RIMS1: variants seen among roughly 807,000 people sequenced by gnomAD.
RIMS1 encodes regulating synaptic membrane exocytosis protein 1.
A neutral mutation model predicts 214.1 loss-of-function variants in RIMS1; 83 were observed. The observed-to-expected ratio is 0.39, with a 90% CI of 0.32 to 0.47. The LOEUF (loss-of-function observed/expected upper bound fraction) is 0.47. RIMS1 is among the 20% of genes least tolerant of loss of function. The pLI is 0.99. For synonymous variants in RIMS1, 793 were observed against 786.8 expected, an observed-to-expected ratio of 1.01 and a Z score of -0.13; for missense variants, 2,050 against 2,161.8, an observed-to-expected ratio of 0.95 and a Z score of 1.03.
rs75891924 is a variant in RIMS1, at chr6:72,281,873, A to G, written c.3483-2174A>G. Among the ~76,000 whole-genome samples the G allele has an allele frequency of 6.7e-3, 1,023 of 152,182 alleles. 7 individuals are homozygous for G. Among genetic ancestry groups the G allele is most frequent in the African/African-American group, 0.022 (909 of 41,524 alleles). ...CATGTATCACCTTTTCCCATACTAC[A>G]TAATGTACTTGTTTGAGCTACTTTT... is the stretch of plus-strand genomic sequence containing the variant. On this transcript the variant is annotated intron_variant, in intron 23 of 33. Transcript: ENST00000521978.
At chr6:72,153,046 A>G (rs977646606) in intron 4 of RIMS1, among the ~76,000 whole-genome samples, 2 of 136,370 alleles carry the variant, frequency 1.5e-5, no homozygotes, top group Admixed American at 7.5e-5. Context: ...GTGTGTGTGT[A>G]TATATATGTA....
Position 72,240,969 on chromosome 6 carries a change from T to C in RIMS1, c.1958-1345T>C, listed in dbSNP as rs186107488. 5.7e-3 allele frequency among the ~76,000 whole-genome samples: 869 copies of C among 152,266 alleles called. 11 individuals are homozygous for C. The highest frequency in any genetic ancestry group is 0.02 in the African/African-American group (821 of 41,556). On this transcript the variant is annotated intron_variant, in intron 9 of 33. Coordinates refer to ENST00000521978, the MANE Select transcript of RIMS1 (RefSeq NM_014989.7). ...AGGCGGAGGTTGCAGTGAGCCGAGA[T>C]TGCGCCACTGCACTCTAGCCTGGGC...
intron 4 of RIMS1, among the ~76,000 whole-genome samples, chr6:72,130,195 ACT>A (rs1284876961): frequency 2.6e-5 from 4 of 152,018 alleles, no homozygotes; most frequent in Non-Finnish European, 5.9e-5. Context: ...GTGAGCCCAA[ACT>A]CTCTGACTAG....
chr6:72,302,009 A>G lies in RIMS1; in HGVS notation c.3851-5249A>G, dbSNP rs568392414. On this transcript the variant is annotated intron_variant, in intron 26 of 33. Transcript: ENST00000521978. ...AGATTCCTATTTTTGCAAATATAAGAAAAGTATTTTAACAATACCCTATTG... is the reference window on the plus strand; with the variant it reads ...AGATTCCTATTTTTGCAAATATAAGGAAAGTATTTTAACAATACCCTATTG... 7.2e-5 allele frequency among the ~76,000 whole-genome samples: 11 copies of G among 151,768 alleles called. No individual in the cohort carries two copies. The East Asian group carries it at 2.1e-3, about 29-fold the overall frequency.
intron 29 of RIMS1, among the ~76,000 whole-genome samples, chr6:72,365,544 T>C (rs2009449723): frequency 6.6e-6 from 1 of 152,214 alleles, no homozygotes. Flanking sequence ...ACCACTTATA[T>C]GTCTATTGAC....
intron 1 of RIMS1, among the ~76,000 whole-genome samples, chr6:71,914,085 G>C (rs1033107756): frequency 2.0e-5 from 3 of 152,072 alleles, no homozygotes; most frequent in African/African-American, 7.2e-5. Flanking sequence ...TATGACTTCT[G>C]CTTTTCCTGT....
At chr6:72,079,860 G>T (rs113135565) in intron 2 of RIMS1, among the ~76,000 whole-genome samples, 1 of 151,618 alleles carries the variant, frequency 6.6e-6, no homozygotes, top group Non-Finnish European at 1.5e-5. Flanking sequence ...CTCCAGCCTG[G>T]GTGACAGACA....
intron 4 of RIMS1, among the ~76,000 whole-genome samples, chr6:72,158,691 A>G (rs1250155149): frequency 7.3e-6 from 1 of 137,838 alleles, no homozygotes; most frequent in Admixed American, 7.6e-5. Flanking sequence ...TAGTTTTCTG[A>G]GAATGATGGT....
At chr6:72,386,858 C>T (rs967370713) in intron 29 of RIMS1, among the ~76,000 whole-genome samples, 6 of 151,544 alleles carry the variant, frequency 4.0e-5, no homozygotes, top group African/African-American at 1.5e-4. Flanking sequence ...CTGAGCCTCC[C>T]GAGTAGCTGG....
At chr6:72,308,440 T>C (rs1337400829) in intron 27 of RIMS1, among the ~76,000 whole-genome samples, 1 of 152,102 alleles carries the variant, frequency 6.6e-6, no homozygotes, top group Admixed American at 6.6e-5. Flanking sequence ...TGGGAGGTAA[T>C]AAGCTATTAG....
At position 72,248,057 on chromosome 6, in the gene RIMS1, T is replaced by C; in HGVS notation, c.2171T>C (p.Ile724Thr). 1 of 1,613,352 alleles carries C rather than the reference T, an allele frequency of 6.2e-7. No individual in the cohort carries two copies. The highest frequency in any genetic ancestry group is 8.5e-7 in the Non-Finnish European group (1 of 1,179,508). Residue 724 changes from isoleucine to threonine, a missense_variant, in exon 12 of 34, where the codon ATT becomes ACT. Around this residue, in one of 6 missense-constraint regions of RIMS1, gnomAD observed 111 missense variants for 166.2 expected, o/e 0.67. Transcript: ENST00000521978. Reference sequence around the variant, plus strand: ...TCTCAGAAGATGGAAAGGCCTTCCATTTCTGTTATTTCTCCAACAAGTCCT... The same window carrying C: ...TCTCAGAAGATGGAAAGGCCTTCCACTTCTGTTATTTCTCCAACAAGTCCT... ...FESQKMERPS[I>T]SVISPTSPGA...
intron 6 of RIMS1, among the ~76,000 whole-genome samples, chr6:72,232,542 GAT>G (rs2062393566): frequency 6.6e-6 from 1 of 151,640 alleles, no homozygotes; most frequent in South Asian, 2.1e-4. Context: ...TTTGGAGAGA[GAT>G]ATGGAATCTA....
intron 2 of RIMS1, among the ~76,000 whole-genome samples, chr6:72,016,022 T>G (rs754790066): frequency 1.3e-5 from 2 of 151,958 alleles, no homozygotes; most frequent in African/African-American, 2.4e-5. Context: ...TTATGGAAGA[T>G]TTGGGGTTGT....
At chr6:72,208,114 C>T (rs1385327870) in intron 6 of RIMS1, among the ~76,000 whole-genome samples, 2 of 152,134 alleles carry the variant, frequency 1.3e-5, no homozygotes, top group Non-Finnish European at 1.5e-5. Context: ...AGAGTGCTTT[C>T]TCCGTAATGA....
At chr6:72,367,216 A>G (rs1234578054) in intron 29 of RIMS1, among the ~76,000 whole-genome samples, 1 of 152,210 alleles carries the variant, frequency 6.6e-6, no homozygotes, top group Non-Finnish European at 1.5e-5. Context: ...CTACCAAAAC[A>G]TAAATCTTAA....
intron 6 of RIMS1, chr6:72,212,797 A>G (rs999184795): frequency 1.6e-5 from 16 of 1,028,856 alleles, no homozygotes; most frequent in African/African-American, 1.7e-5. Flanking sequence ...AGAGATGCCA[A>G]TATGCTTCTC....
chr6:72,092,999 C>T (rs1277647969), intron 2 of RIMS1, among the ~76,000 whole-genome samples: 1 of 151,996 alleles, frequency 6.6e-6, no homozygotes, highest in African/African-American at 2.4e-5. Flanking sequence ...TTTGATGAGA[C>T]AGAACTGAAT....
intron 8 of RIMS1, among the ~76,000 whole-genome samples, chr6:72,236,911 A>G (rs1236575749): frequency 6.6e-6 from 1 of 152,024 alleles, no homozygotes; most frequent in African/African-American, 2.4e-5. Flanking sequence ...TTAAGAAATC[A>G]CTACAGCCTG....
intron 2 of RIMS1, among the ~76,000 whole-genome samples, chr6:72,041,914 A>C (rs140729323): frequency 6.6e-6 from 1 of 152,018 alleles, no homozygotes; most frequent in East Asian, 1.9e-4. Flanking sequence ...ACAACTGATA[A>C]ATGGCAGAGC....
Sources: gnomAD v4.1 joint callset for allele counts (sites outside exome capture counted in the v4.1 genomes callset) on GRCh38, gnomAD v4.1.1 for gene constraint, gnomAD v4.1.1 regional missense constraint, MANE v1.5 for transcripts, NCBI Gene and HGNC (gene_info 2026-07-23, HGNC 2026-07-21) for gene names.